The following SLC35F3 variants were observed in gnomAD, a reference collection of about 807,000 sequenced individuals.
SLC35F3 encodes the protein putative thiamine transporter SLC35F3.
SLC35F3 carries 25 observed loss-of-function variants against 49.9 expected under a neutral mutation model. That is an observed-to-expected ratio of 0.50 (90% CI 0.37 to 0.70). The LOEUF (loss-of-function observed/expected upper bound fraction) is 0.70. Among genes scored for constraint, SLC35F3 ranks in the 30% least tolerant of loss-of-function variants. The pLI is 0.00. For missense variants in SLC35F3, 525 were observed against 639.8 expected (o/e 0.82, Z 1.94); for synonymous variants, 275 against 265.4 (o/e 1.04, Z -0.35).
intron 2 of SLC35F3, among the ~76,000 whole-genome samples, chr1:234,084,224 C>G (rs1262743008): frequency 2.1e-5 from 3 of 145,618 alleles, no homozygotes; most frequent in Non-Finnish European, 3.0e-5. Context: ...GGAATAGACA[C>G]ACACACACAC....
intron 3 of SLC35F3, among the ~76,000 whole-genome samples, chr1:234,236,298 C>T (rs1376482825): frequency 6.6e-6 from 1 of 151,968 alleles, no homozygotes; most frequent in Non-Finnish European, 1.5e-5. Flanking sequence ...AAAAATTAGC[C>T]AGGCGTGATG....
chr1:234,201,711 A>C (rs930092249), intron 2 of SLC35F3, among the ~76,000 whole-genome samples: 13 of 152,188 alleles, frequency 8.5e-5, no homozygotes, highest in African/African-American at 3.1e-4. Context: ...CACCCCCAGG[A>C]GTGAAATACA....
intron 2 of SLC35F3, among the ~76,000 whole-genome samples, chr1:234,051,883 A>G (rs1205652343): frequency 6.6e-6 from 1 of 152,328 alleles, no homozygotes; most frequent in East Asian, 1.9e-4. Flanking sequence ...CCTTTTCTGC[A>G]TCTATTGAGA....
At chr1:234,136,732 A>T (rs748333538) in intron 2 of SLC35F3, among the ~76,000 whole-genome samples, 2 of 152,230 alleles carry the variant, frequency 1.3e-5, no homozygotes, top group Non-Finnish European at 2.9e-5. Flanking sequence ...CAAGAACCCG[A>T]TTTGAGTCTG....
At chr1:233,905,887 C>T in intron 2 of SLC35F3, 129 bp downstream of exon 2, 1 of 860,236 alleles carries the variant, frequency 1.2e-6, no homozygotes, top group South Asian at 1.8e-5. Flanking sequence ...GATACAGACC[C>T]AGGTTTGCAA....
At chr1:234,030,671 A>G (rs573313770) in intron 2 of SLC35F3, among the ~76,000 whole-genome samples, 10 of 152,318 alleles carry the variant, frequency 6.6e-5, no homozygotes, top group Admixed American at 2.6e-4. Context: ...AATTGCTGAT[A>G]TTTGATTACT....
chr1:234,118,632 T>C (rs1273291902), intron 2 of SLC35F3, among the ~76,000 whole-genome samples: 1 of 152,208 alleles, frequency 6.6e-6, no homozygotes, highest in Non-Finnish European at 1.5e-5. Context: ...TAGAAAATGT[T>C]GGCCAATCCT....
At chr1:234,322,841 G>C (rs1657658772) in intron 7 of SLC35F3, among the ~76,000 whole-genome samples, 167 bp from the exon 8 acceptor site, 1 of 152,148 alleles carries the variant, frequency 6.6e-6, no homozygotes, top group Admixed American at 6.5e-5. Context: ...GTTTACTAGA[G>C]GTAACCCCAG....
intron 2 of SLC35F3, among the ~76,000 whole-genome samples, chr1:234,108,473 A>ATATACATATAAAAGATATATATTATT (rs1665329135): frequency 1.2e-5 from 1 of 80,734 alleles, no homozygotes; most frequent in Non-Finnish European, 2.6e-5. Context: ...TATATAAAAG[A>ATATACATATAAAAGATATATATTATT]TATATATATA....
intron 3 of SLC35F3, among the ~76,000 whole-genome samples, chr1:234,236,925 T>TTTTATATATATATATATATATA (rs1553317673): frequency 2.1e-5 from 2 of 96,294 alleles, no homozygotes; most frequent in African/African-American, 8.1e-5. Flanking sequence ...AAAAAAAAAA[T>TTTTATATATATATATATATATA]TATATATATA....
At chr1:234,065,029 A>C (rs773555210) in intron 2 of SLC35F3, among the ~76,000 whole-genome samples, 1 of 152,236 alleles carries the variant, frequency 6.6e-6, no homozygotes, top group African/African-American at 2.4e-5. Flanking sequence ...GAGCATGACT[A>C]TGATAAGAGA....
intron 2 of SLC35F3, among the ~76,000 whole-genome samples, chr1:234,114,119 A>G (rs1249704969): frequency 6.6e-6 from 1 of 152,216 alleles, no homozygotes; most frequent in Admixed American, 6.5e-5. Context: ...GTTTGGAAGG[A>G]GATACACACG....
intron 2 of SLC35F3, among the ~76,000 whole-genome samples, chr1:234,138,276 A>G (rs1472581419): frequency 6.6e-6 from 1 of 152,214 alleles, no homozygotes. Context: ...AGGATTAAAT[A>G]AGACAATACA....
intron 2 of SLC35F3, among the ~76,000 whole-genome samples, chr1:234,126,917 A>G (rs1028058164): frequency 1.3e-5 from 2 of 152,130 alleles, no homozygotes; most frequent in Non-Finnish European, 2.9e-5. Context: ...AGCTGGTCTC[A>G]AACTCTTGAC....
rs1486745630 is a variant in SLC35F3 at position 233,905,063 on chromosome 1, A to G, written c.-15A>G. On this transcript the variant is annotated 5_prime_UTR_variant, in exon 1 of 8. Coordinates refer to ENST00000366618, the MANE Select transcript of SLC35F3 (RefSeq NM_173508.4). ...CTCAAGTCTGGGAGCTGCCGGTCCCACTCTGTCTTTGCCTATGGGGATTCG... is the reference window on the plus strand; with the variant it reads ...CTCAAGTCTGGGAGCTGCCGGTCCCGCTCTGTCTTTGCCTATGGGGATTCG... 1 of 1,557,560 alleles carries G rather than the reference A, an allele frequency of 6.4e-7. No individual in the cohort carries two copies.
chr1:234,174,621 A>G (rs1424863597), intron 2 of SLC35F3, among the ~76,000 whole-genome samples: 1 of 152,106 alleles, frequency 6.6e-6, no homozygotes, highest in Non-Finnish European at 1.5e-5. Context: ...GTTCCACTCC[A>G]CTGCGTGTAT....
intron 2 of SLC35F3, among the ~76,000 whole-genome samples, chr1:234,135,489 G>A (rs757847117): frequency 2.0e-5 from 3 of 152,172 alleles, no homozygotes; most frequent in Non-Finnish European, 2.9e-5. Flanking sequence ...TTACTGATTG[G>A]CAAGAAGGAC....
chr1:234,211,235 C>A (rs1019994807), intron 2 of SLC35F3, among the ~76,000 whole-genome samples: 2 of 152,210 alleles, frequency 1.3e-5, no homozygotes, highest in Admixed American at 6.5e-5. Context: ...AGGGGTGGCA[C>A]CCTCATGGAG....
intron 2 of SLC35F3, among the ~76,000 whole-genome samples, chr1:234,119,908 A>T (rs1665547558): frequency 2.0e-5 from 3 of 152,194 alleles, no homozygotes; most frequent in Admixed American, 2.0e-4. Context: ...CCCATGGTTG[A>T]AGCTGTTTTT....
Sources: allele counts gnomAD v4.1 joint callset (sites outside exome capture counted in the v4.1 genomes callset), GRCh38; gene constraint gnomAD v4.1.1; transcripts MANE v1.5; gene names NCBI Gene and HGNC (gene_info 2026-07-23, HGNC 2026-07-21).